The following PTPN14 variants were observed in gnomAD, a reference collection of about 807,000 sequenced individuals.
The protein encoded by PTPN14 is protein tyrosine phosphatase non-receptor type 14.
A neutral mutation model predicts 126.8 loss-of-function variants in PTPN14; 53 were observed. That is an observed-to-expected ratio of 0.42 (90% CI 0.34 to 0.53). The LOEUF (loss-of-function observed/expected upper bound fraction) is 0.53, where lower values mean the gene tolerates loss of function less well. Ranked by LOEUF, PTPN14 falls within the 20% of genes least tolerant of loss-of-function variation. The pLI is 0.08. For synonymous variants in PTPN14, 630 were observed against 599.3 expected, an observed-to-expected ratio of 1.05 and a Z score of -0.75; for missense variants, 1,257 against 1,552.9, an observed-to-expected ratio of 0.81 and a Z score of 3.20.
intron 6 of PTPN14, 97 bp downstream of exon 6, chr1:214,402,786 C>G: frequency 7.3e-7 from 1 of 1,378,626 alleles, no homozygotes; most frequent in Non-Finnish European, 1.0e-6. Context: ...TGTGTTGGCT[C>G]AAGCCCAGAG....
intron 3 of PTPN14, among the ~76,000 whole-genome samples, chr1:214,424,035 T>C (rs905090174): frequency 4.0e-5 from 6 of 151,390 alleles, no homozygotes; most frequent in African/African-American, 1.2e-4. Flanking sequence ...CGGTGGCTCA[T>C]GCCTGTAATC....
At chr1:214,485,912 G>T (rs1443782851) in intron 1 of PTPN14, among the ~76,000 whole-genome samples, 1 of 152,080 alleles carries the variant, frequency 6.6e-6, no homozygotes, top group African/African-American at 2.4e-5. Flanking sequence ...TTTTTTAGTA[G>T]AGACGGGGTT....
intron 1 of PTPN14, among the ~76,000 whole-genome samples, chr1:214,538,357 C>A (rs192897694): frequency 3.3e-5 from 5 of 152,314 alleles, no homozygotes; most frequent in African/African-American, 1.2e-4. Flanking sequence ...CAAATAACTT[C>A]TTTAATTCTC....
intron 5 of PTPN14, among the ~76,000 whole-genome samples, chr1:214,405,202 A>G (rs988536657): frequency 2.6e-5 from 4 of 152,036 alleles, no homozygotes; most frequent in Admixed American, 6.5e-5. Context: ...ACTTCCCTCA[A>G]TAGGGCTCTC....
chr1:214,414,248 A>G (rs1260442169), intron 4 of PTPN14, among the ~76,000 whole-genome samples: 1 of 152,128 alleles, frequency 6.6e-6, no homozygotes, highest in African/African-American at 2.4e-5. Context: ...AAGCTATCAC[A>G]CTCAAAGAAG....
At chr1:214,377,653 T>C (rs1368345439) in intron 14 of PTPN14, among the ~76,000 whole-genome samples, 1 of 152,172 alleles carries the variant, frequency 6.6e-6, no homozygotes, top group Non-Finnish European at 1.5e-5. Flanking sequence ...TTGTGCATTT[T>C]ACAAAACAGG....
Position 214,364,749 on chromosome 1 carries a change from G to C in PTPN14, c.3272-74C>G, listed in dbSNP as rs1658037346. On this transcript the variant is annotated intron_variant, in intron 17 of 18. Transcript: ENST00000366956. The surrounding 1 kb of genome is among the most constrained non-coding windows in gnomAD (Gnocchi z 4.1). ...CATGTAAGTTGGGGAGGGGGGAGCG[G>C]AAGAGAACTGATGGTGAGTGTGTGT... 1 of 1,389,842 alleles carries C rather than the reference G, an allele frequency of 7.2e-7. No homozygotes were observed. Among genetic ancestry groups the C allele is most frequent in the Non-Finnish European group, 9.9e-7 (1 of 1,010,620 alleles). 86.1% of individuals were successfully genotyped at this position (1,389,842 alleles called of 1,614,324 possible). A position where few individuals can be genotyped will look rare whatever the true frequency, so the allele number is the denominator to read the frequency against.
In PTPN14 at chr1:214,384,177, T is replaced by C. The variant is rs774188936; in HGVS notation, c.1678A>G (p.Lys560Glu). ...SHNYSTAHML[K>E]NYLFRPPPPY... is the part of the protein sequence containing the mutation. The stretch of plus-strand genomic sequence containing the variant: ...GGCGGTGGCCTGAAGAGATAGTTCT[T>C]AAGCATGTGGGCCGTGCTGTAGTTA... Residue 560 changes from lysine (K) to glutamate (E), a missense_variant, in exon 13 of 19, where the codon AAG becomes GAG. Physicochemically the swap from Lys to Glu is moderately conservative, Grantham distance 56 (BLOSUM62 1). Around this residue, in one of 3 missense-constraint regions of PTPN14, gnomAD observed 1,021 missense variants for 1,183.3 expected, o/e 0.86. Transcript: ENST00000366956. This position sits in a 1 kb window ranked among gnomAD's most constrained non-coding sequence, Gnocchi z 5.3. 19 of 1,600,840 alleles carry C rather than the reference T, an allele frequency of 1.2e-5. No homozygotes were observed. The highest frequency in any genetic ancestry group is 4.0e-5 in the African/African-American group (3 of 74,772).
chr1:214,512,447 T>C (rs948570962), intron 1 of PTPN14, among the ~76,000 whole-genome samples: 30 of 152,048 alleles, frequency 2.0e-4, no homozygotes, highest in African/African-American at 7.2e-4. Context: ...AATCAGTCAG[T>C]CACAAAAAGC....
In PTPN14 at chr1:214,473,073, G is replaced by A. The variant is rs111435653; in HGVS notation, c.-154-8116C>T. The stretch of plus-strand genomic sequence containing the variant: ...TCTGAGTAGTCAATCAGCTTCCTAA[G>A]CTCTAAAGTGTAAGTTTCGATCTTT... On this transcript the variant is annotated intron_variant, in intron 1 of 18. Transcript: ENST00000366956. Among the ~76,000 whole-genome samples, 385 of 152,226 alleles carry A rather than the reference G, an allele frequency of 2.5e-3. 1 individual carries two copies. The highest frequency in any genetic ancestry group is 8.9e-3 in the African/African-American group (371 of 41,542).
chr1:214,462,836 A>T (rs1660542167), intron 2 of PTPN14, among the ~76,000 whole-genome samples: 1 of 152,210 alleles, frequency 6.6e-6, no homozygotes, highest in South Asian at 2.1e-4. Context: ...TGGTTGTTCA[A>T]TATTTTCTTT....
At chr1:214,370,424 G>A (rs564267831) in intron 16 of PTPN14, among the ~76,000 whole-genome samples, 2 of 152,304 alleles carry the variant, frequency 1.3e-5, no homozygotes, top group Admixed American at 6.5e-5. Context: ...ATGGGCACGG[G>A]AAGTCATTCA....
chr1:214,350,706 AATTTTTTTTT>A lies in PTPN14; in HGVS notation c.*7206_*7215del. The A allele has an allele frequency of 6.1e-5, 3 of 49,426 alleles. No homozygotes were observed. In the South Asian group the frequency reaches 2.2e-3, roughly 35 times the overall value. 3.1% of individuals were successfully genotyped at this position (49,426 alleles called of 1,614,324 possible). On this transcript the variant is annotated 3_prime_UTR_variant, in exon 19 of 19. Transcript: ENST00000366956. ...CAGGCATGTGCCACCATGCCTGGCT[AATTTTTTTTT>A]TTTTTTTTTTTTTTGTATTTTTAGT...
chr1:214,494,413 C>T (rs1661315996), intron 1 of PTPN14, among the ~76,000 whole-genome samples: 1 of 152,108 alleles, frequency 6.6e-6, no homozygotes, highest in South Asian at 2.1e-4. Flanking sequence ...TTGTTGTCAG[C>T]CCTATCACAC....
In PTPN14 at chr1:214,546,044, G is replaced by A. The variant is rs894276724; in HGVS notation, c.-155+5139C>T. Among the ~76,000 whole-genome samples the A allele has an allele frequency of 2.6e-5, 4 of 152,198 alleles. No homozygotes were observed. The East Asian group carries it at 7.7e-4, about 29-fold the overall frequency. On this transcript the variant is annotated intron_variant, in intron 1 of 18. Coordinates refer to ENST00000366956, the MANE Select transcript of PTPN14 (RefSeq NM_005401.5). Reference sequence around the variant, plus strand: ...CCTCTCTGCAGCTCTAAAGCAACCAGGAATGGAATCATTCAAACTGGTGCA... The same window carrying A: ...CCTCTCTGCAGCTCTAAAGCAACCAAGAATGGAATCATTCAAACTGGTGCA...
intron 1 of PTPN14, 61 bp from the exon 2 acceptor site, chr1:214,465,018 A>T: frequency 2.1e-6 from 1 of 481,296 alleles, no homozygotes. Context: ...ATGGTACCAT[A>T]TTCCACACAC....
At chr1:214,454,126 A>T (rs1463594323) in intron 2 of PTPN14, among the ~76,000 whole-genome samples, 4 of 152,234 alleles carry the variant, frequency 2.6e-5, no homozygotes, top group African/African-American at 9.6e-5. Context: ...ATTATGTAAT[A>T]TATGTAATTA....
intron 13 of PTPN14, among the ~76,000 whole-genome samples, chr1:214,381,217 G>A (rs528541358): frequency 1.9e-3 from 290 of 152,294 alleles, no homozygotes; most frequent in African/African-American, 6.9e-3. Flanking sequence ...AGAAGAGGAT[G>A]AATACAACCA....
intron 3 of PTPN14, among the ~76,000 whole-genome samples, chr1:214,440,435 A>T (rs1170552502): frequency 6.6e-6 from 1 of 152,216 alleles, no homozygotes; most frequent in African/African-American, 2.4e-5. Flanking sequence ...GTAATCAGAG[A>T]TGAGACAGAT....
Sources: gnomAD v4.1 joint callset for allele counts (sites outside exome capture counted in the v4.1 genomes callset) on GRCh38, gnomAD v4.1.1 for gene constraint, gnomAD v4.1.1 regional missense constraint, Gnocchi (gnomAD v3.1) non-coding constraint, MANE v1.5 for transcripts, NCBI Gene and HGNC (gene_info 2026-07-23, HGNC 2026-07-21) for gene names.